Variants in MAP3K14 observed in about 807,000 individuals in gnomAD.
MAP3K14 encodes NF-kappa-beta-inducing kinase.
A neutral mutation model predicts 99.2 loss-of-function variants in MAP3K14; 16 were observed. That is an observed-to-expected ratio of 0.16 (90% CI 0.11 to 0.24). The LOEUF is 0.24. Among genes scored for constraint, MAP3K14 ranks in the 10% least tolerant of loss-of-function variants. MAP3K14 has a pLI of 1.00. For synonymous variants in MAP3K14, 462 were observed against 492.4 expected (o/e 0.94, Z 0.82); for missense variants, 784 against 1,208.7 (o/e 0.65, Z 5.21).
At chr17:45,316,663 A>G (rs969304017) in intron 1 of MAP3K14, among the ~76,000 whole-genome samples, 2 of 152,008 alleles carry the variant, frequency 1.3e-5, no homozygotes, top group African/African-American at 4.8e-5. Flanking sequence ...GCGGGGCACT[A>G]GTGAAGGGGA....
At chr17:45,274,998 G>T (rs989846418) in intron 6 of MAP3K14, among the ~76,000 whole-genome samples, 7 of 151,824 alleles carry the variant, frequency 4.6e-5, no homozygotes, top group Non-Finnish European at 1.0e-4. Context: ...AATTAGCTGG[G>T]CGTGGCGGCG....
At chr17:45,303,013 G>C (rs1025886662) in intron 1 of MAP3K14, among the ~76,000 whole-genome samples, 1 of 152,216 alleles carries the variant, frequency 6.6e-6, no homozygotes, top group African/African-American at 2.4e-5. Context: ...TTGATTTATC[G>C]AATGGCAAAT....
chr17:45,293,958 G>A (rs1342112620), intron 1 of MAP3K14, among the ~76,000 whole-genome samples: 1 of 152,204 alleles, frequency 6.6e-6, no homozygotes, highest in Non-Finnish European at 1.5e-5. Flanking sequence ...TGGCCAGGGG[G>A]CCTTCCCAGC....
intron 1 of MAP3K14, among the ~76,000 whole-genome samples, chr17:45,299,193 A>G (rs1469325118): frequency 6.6e-6 from 1 of 152,160 alleles, no homozygotes; most frequent in African/African-American, 2.4e-5. Flanking sequence ...TGAGCGGGGT[A>G]TAATTCCACA....
chr17:45,280,596 C>T (rs1028275977), intron 6 of MAP3K14, among the ~76,000 whole-genome samples: 1 of 151,832 alleles, frequency 6.6e-6, no homozygotes, highest in South Asian at 2.1e-4. Context: ...TGAGCCACCA[C>T]ACCCGGCCTT....
chr17:45,285,813 G>A (rs1192561167), intron 5 of MAP3K14, among the ~76,000 whole-genome samples: 2 of 151,456 alleles, frequency 1.3e-5, no homozygotes, highest in Non-Finnish European at 2.9e-5. Flanking sequence ...ATAGCTGGGC[G>A]TGGTGGTACA....
chr17:45,309,267 T>A (rs1006073626), intron 1 of MAP3K14, among the ~76,000 whole-genome samples: 2 of 152,206 alleles, frequency 1.3e-5, no homozygotes, highest in Non-Finnish European at 2.9e-5. Context: ...TACCAAGGTG[T>A]TCCCACCCAG....
rs371521847 is a variant in MAP3K14 at position 45,267,450 on chromosome 17, C to T, written c.2282G>A (p.Arg761Gln). ...TTCCTGCTCCGGGACGGTTGCTTTC[C>T]GCTCTGGTGAGCTGGGGTTTCTGGC... ...APARNPSSPE[R>Q]KATVPEQELQ... is the part of the protein sequence containing the mutation. The change falls in exon 12 of 16, where the codon CGG becomes CAG. Residue 761 changes from arginine (R) to glutamine (Q), a missense_variant. Around this residue, in one of 5 missense-constraint regions of MAP3K14, gnomAD observed 128 missense variants for 143.3 expected, o/e 0.89. Transcript: ENST00000344686. This position sits in a 1 kb window ranked among gnomAD's most constrained non-coding sequence, Gnocchi z 5.1. 3.9e-5 allele frequency: 63 copies of T among 1,608,876 alleles called. No homozygotes were observed. The highest frequency in any genetic ancestry group is 1.8e-4 in the East Asian group (8 of 44,766).
At chr17:45,306,641 T>C (rs1297122525) in intron 1 of MAP3K14, among the ~76,000 whole-genome samples, 10 of 152,236 alleles carry the variant, frequency 6.6e-5, no homozygotes, top group Admixed American at 5.9e-4. Context: ...CTATTTACCA[T>C]TCTTTTTATA....
intron 1 of MAP3K14, among the ~76,000 whole-genome samples, chr17:45,304,286 G>A (rs567062310): frequency 2.6e-5 from 4 of 152,300 alleles, no homozygotes; most frequent in African/African-American, 2.4e-5. Flanking sequence ...TTACAGGTGT[G>A]AGCCACCATG....
chr17:45,280,533 G>A (rs112748516), intron 6 of MAP3K14, among the ~76,000 whole-genome samples: 1,810 of 152,082 alleles, frequency 0.012, 38 homozygotes, highest in African/African-American at 0.042. Context: ...TCGAACTCCC[G>A]ACCTCAGGTG....
At chr17:45,303,806 T>G (rs1373254080) in intron 1 of MAP3K14, among the ~76,000 whole-genome samples, 1 of 150,870 alleles carries the variant, frequency 6.6e-6, no homozygotes, top group Non-Finnish European at 1.5e-5. Context: ...ATGGTCTTGA[T>G]CTCCTGACCT....
chr17:45,306,117 C>T (rs1040569081), intron 1 of MAP3K14, among the ~76,000 whole-genome samples: 20 of 152,242 alleles, frequency 1.3e-4, no homozygotes, highest in African/African-American at 4.6e-4. Context: ...TTAGGTAATG[C>T]GTGCATTTTT....
At chr17:45,307,275 A>T (rs2044437619) in intron 1 of MAP3K14, among the ~76,000 whole-genome samples, 1 of 151,926 alleles carries the variant, frequency 6.6e-6, no homozygotes, top group African/African-American at 2.4e-5. Flanking sequence ...TAAAAAAAAA[A>T]ATTAATTAAT....
At chr17:45,282,982 T>A (rs779776593) in intron 6 of MAP3K14, among the ~76,000 whole-genome samples, 2 of 152,210 alleles carry the variant, frequency 1.3e-5, no homozygotes, top group African/African-American at 4.8e-5. Flanking sequence ...GCAGCTCTGG[T>A]GGGCTTGAGC....
Position 45,267,607 on chromosome 17 carries a change from T to C in MAP3K14, c.2125A>G (p.Arg709Gly). 1 of 1,613,048 alleles carries C rather than the reference T, an allele frequency of 6.2e-7. No homozygotes were observed. Among genetic ancestry groups the C allele is most frequent in the Non-Finnish European group, 8.5e-7 (1 of 1,179,632 alleles). ...AGAGGAGGCTGGAGCTTAGGGGCTC[T>C]GCCTGTTGTCTCCTCAGCTGGCCGG... The part of the protein sequence containing the change: ...GPRPAEETTG[R>G]APKLQPPLPP... The change falls in exon 12 of 16, where the codon AGA (arginine) becomes GGA (glycine). Residue 709 changes from arginine to glycine, a missense_variant. Around this residue, in one of 5 missense-constraint regions of MAP3K14, gnomAD observed 128 missense variants for 143.3 expected, o/e 0.89. Transcript: ENST00000344686. This position sits in a 1 kb window ranked among gnomAD's most constrained non-coding sequence, Gnocchi z 5.1.
At chr17:45,316,572 G>A (rs1173593248) in intron 1 of MAP3K14, among the ~76,000 whole-genome samples, 2 of 152,218 alleles carry the variant, frequency 1.3e-5, no homozygotes, top group African/African-American at 2.4e-5. Flanking sequence ...ACTCCTGCAG[G>A]AGACACGTCC....
rs759426693 is a variant in MAP3K14, at chr17:45,274,154, G to A, written c.1521C>T (p.His507=). 1.9e-6 allele frequency: 3 copies of A among 1,607,810 alleles called. No homozygotes were observed. The highest frequency in any genetic ancestry group is 2.2e-5 in the East Asian group (1 of 44,672). The change falls in exon 8 of 16, where the codon CAC becomes CAT. Residue 507 remains histidine, a synonymous_variant. Transcript: ENST00000344686. ...GQALEGLEYL[H]SRRILHGDVK... ...CGTCCCCATGCAGAATCCTTCGTGA[G>A]TGGAGGTATTCCAGACCCTCCAGGG...
chr17:45,273,050 G>T (rs1177490738), intron 9 of MAP3K14, among the ~76,000 whole-genome samples: 1 of 152,210 alleles, frequency 6.6e-6, no homozygotes, highest in Non-Finnish European at 1.5e-5. Context: ...AGTGGGCATG[G>T]ATTATTTCAA....
Sources: gnomAD v4.1 joint callset for allele counts (sites outside exome capture counted in the v4.1 genomes callset) on GRCh38, gnomAD v4.1.1 for gene constraint, gnomAD v4.1.1 regional missense constraint, Gnocchi (gnomAD v3.1) non-coding constraint, MANE v1.5 for transcripts, NCBI Gene and HGNC (gene_info 2026-07-23, HGNC 2026-07-21) for gene names.